VEZT: variants seen among roughly 807,000 people sequenced by gnomAD.
VEZT encodes vezatin, adherens junctions transmembrane protein.
VEZT carries 39 observed loss-of-function variants against 79.9 expected under a neutral mutation model. That is an observed-to-expected ratio of 0.49 (90% CI 0.38 to 0.64). VEZT has a LOEUF of 0.64. VEZT is among the 30% of genes least tolerant of loss of function. The pLI, the probability that VEZT is intolerant of heterozygous loss-of-function variation, is 0.00. For synonymous variants in VEZT, 325 were observed against 327.6 expected (o/e 0.99, Z 0.09); for missense variants, 837 against 893.1 (o/e 0.94, Z 0.80).
intron 5 of VEZT, 76 bp from the exon 6 acceptor site, chr12:95,269,975 T>C: frequency 6.7e-7 from 1 of 1,500,280 alleles, no homozygotes; most frequent in Non-Finnish European, 9.0e-7. Context: ...TTAATAGAAT[T>C]GTGGATTTAG....
chr12:95,286,330 C>A, intron 8 of VEZT: 1 of 432,824 alleles, frequency 2.3e-6, no homozygotes. Context: ...ACAAGAATAC[C>A]AAGTTAGTCT....
chr12:95,268,252 T>C (rs972955890), intron 5 of VEZT, among the ~76,000 whole-genome samples: 3 of 152,094 alleles, frequency 2.0e-5, no homozygotes, highest in Admixed American at 6.6e-5. Context: ...TCCCAGCACT[T>C]TGGGAGGCCG....
intron 7 of VEZT, among the ~76,000 whole-genome samples, chr12:95,277,116 T>C (rs370129620): frequency 6.6e-6 from 1 of 152,218 alleles, no homozygotes; most frequent in Non-Finnish European, 1.5e-5. Flanking sequence ...TCTAAAGTTA[T>C]TTGTTTCAGA....
At chr12:95,285,085 C>CAAAAAAAA (rs1165581329) in intron 8 of VEZT, among the ~76,000 whole-genome samples, 1 of 44,668 alleles carries the variant, frequency 2.2e-5, no homozygotes, top group Non-Finnish European at 4.3e-5. Context: ...GACTCTGTCT[C>CAAAAAAAA]AAAAAAAAAA....
At chr12:95,281,141 G>T (rs533284616) in intron 7 of VEZT, among the ~76,000 whole-genome samples, 1 of 152,156 alleles carries the variant, frequency 6.6e-6, no homozygotes, top group East Asian at 1.9e-4. Flanking sequence ...GTTTCCTCAT[G>T]CATTTGTTTC....
At chr12:95,300,077 G>T in intron 11 of VEZT, 88 bp from the exon 12 acceptor site, 1 of 710,404 alleles carries the variant, frequency 1.4e-6, no homozygotes, top group Admixed American at 4.1e-5. Context: ...TTCTTTTTAA[G>T]AAAAAAACTG....
At chr12:95,298,340 G>C (rs1056663835) in intron 11 of VEZT, among the ~76,000 whole-genome samples, 3 of 152,038 alleles carry the variant, frequency 2.0e-5, no homozygotes, top group Non-Finnish European at 4.4e-5. Flanking sequence ...AAAGCATATA[G>C]CAGAGAAGGG....
chr12:95,272,450 A>G (rs752143575), intron 6 of VEZT, among the ~76,000 whole-genome samples: 19 of 152,216 alleles, frequency 1.2e-4, no homozygotes, highest in Non-Finnish European at 2.4e-4. Context: ...AAAGAAGACC[A>G]TCATGAGTTG....
intron 1 of VEZT, among the ~76,000 whole-genome samples, chr12:95,241,710 G>A (rs549644317): frequency 1.3e-5 from 2 of 152,254 alleles, no homozygotes; most frequent in African/African-American, 4.8e-5. Flanking sequence ...TGCTTTATAA[G>A]AACATAGTAG....
At chr12:95,268,869 A>G (rs2066057396) in intron 5 of VEZT, among the ~76,000 whole-genome samples, 1 of 152,248 alleles carries the variant, frequency 6.6e-6, no homozygotes, top group South Asian at 2.1e-4. Flanking sequence ...AGTAAAATGG[A>G]GCACAAGCAG....
At chr12:95,239,248 G>T (rs2060576817) in intron 1 of VEZT, among the ~76,000 whole-genome samples, 1 of 152,210 alleles carries the variant, frequency 6.6e-6, no homozygotes, top group Admixed American at 6.5e-5. Context: ...CTGAGGTTGA[G>T]CAGTTGAGCT....
chr12:95,240,014 GAGAA>G (rs1394329148), intron 1 of VEZT, among the ~76,000 whole-genome samples: 89 of 117,254 alleles, frequency 7.6e-4, no homozygotes, highest in South Asian at 2.3e-3. Flanking sequence ...GAGAGAAAGA[GAGAA>G]AGAAAGGAAG....
At chr12:95,236,874 A>G (rs1394902427) in intron 1 of VEZT, among the ~76,000 whole-genome samples, 1 of 152,186 alleles carries the variant, frequency 6.6e-6, no homozygotes, top group Non-Finnish European at 1.5e-5. Flanking sequence ...GGCATCAGCC[A>G]TGGTGCTTGG....
At position 95,278,897 on chromosome 12, in the gene VEZT, C is replaced by T. The variant is rs181475013; in HGVS notation, c.997-3416C>T. Among the ~76,000 whole-genome samples the T allele has an allele frequency of 3.8e-4, 58 of 152,232 alleles. No individual in the cohort carries two copies. The East Asian group carries it at 0.011, about 28-fold the overall frequency. ...CAGCCTGACCAACATGGAGATACCC[C>T]GTCTCTACTAAAAATACAAAAAATT... On this transcript the variant is annotated intron_variant, in intron 7 of 11. Transcript: ENST00000436874.
At chr12:95,224,318 C>CTTT (rs62851660) in intron 1 of VEZT, 14 of 408,934 alleles carry the variant, frequency 3.4e-5, no homozygotes, top group Admixed American at 8.7e-5. Flanking sequence ...AAAGCCACAA[C>CTTT]TTTTTTTTTT....
chr12:95,251,648 C>CTTAA (rs1488480285), intron 1 of VEZT, among the ~76,000 whole-genome samples: 2 of 151,928 alleles, frequency 1.3e-5, no homozygotes, highest in Non-Finnish European at 2.9e-5. Context: ...AATTGCTTAA[C>CTTAA]AATCTATTTA....
At chr12:95,282,689 G>C in intron 8 of VEZT, 45 bp downstream of exon 8, 1 of 1,494,458 alleles carries the variant, frequency 6.7e-7, no homozygotes. Flanking sequence ...TAATTAGCAA[G>C]CTTCATTCGT....
chr12:95,279,411 T>A (rs769807642), intron 7 of VEZT, among the ~76,000 whole-genome samples: 17 of 152,242 alleles, frequency 1.1e-4, no homozygotes, highest in Non-Finnish European at 2.1e-4. Context: ...GTCATCTGTT[T>A]CCTGCTCTAG....
At chr12:95,236,850 G>A (rs558864018) in intron 1 of VEZT, among the ~76,000 whole-genome samples, 4 of 152,122 alleles carry the variant, frequency 2.6e-5, no homozygotes, top group Admixed American at 2.6e-4. Flanking sequence ...GTCCCCCAAA[G>A]TGCTAGGATT....
Sources: gnomAD v4.1 joint callset for allele counts (sites outside exome capture counted in the v4.1 genomes callset) on GRCh38, gnomAD v4.1.1 for gene constraint, MANE v1.5 for transcripts, NCBI Gene and HGNC (gene_info 2026-07-23, HGNC 2026-07-21) for gene names.